The following GAK variants were observed in gnomAD, a reference collection of about 807,000 sequenced individuals.
GAK encodes the protein cyclin-G-associated kinase.
In GAK, 79 loss-of-function variants were observed where a neutral mutation model predicts 143.9. The ratio of observed to expected loss-of-function variants is 0.55; its 90% CI spans 0.46 to 0.66. The LOEUF (loss-of-function observed/expected upper bound fraction) is 0.66. Among genes scored for constraint, GAK ranks in the 30% least tolerant of loss-of-function variants. GAK has a pLI of 0.00. For missense variants in GAK, 1,693 were observed against 1,779.7 expected, an observed-to-expected ratio of 0.95 and a Z score of 0.88; for synonymous variants, 881 against 765.5, an observed-to-expected ratio of 1.15 and a Z score of -2.49.
chr4:858,429 C>T (rs545203778), intron 24 of GAK, among the ~76,000 whole-genome samples: 1 of 152,274 alleles, frequency 6.6e-6, no homozygotes, highest in South Asian at 2.1e-4. Flanking sequence ...GAGTCCACTC[C>T]TTCTGCCCCA....
intron 1 of GAK, among the ~76,000 whole-genome samples, chr4:923,206 T>C (rs1196859889): frequency 2.0e-5 from 3 of 152,106 alleles, no homozygotes; most frequent in Non-Finnish European, 4.4e-5. Flanking sequence ...GGGTCTAAAA[T>C]AGAAAAGATC....
chr4:849,634 A>C lies in GAK; in HGVS notation c.*39T>G, dbSNP rs1376218383. The C allele has an allele frequency of 3.9e-6, 6 of 1,531,708 alleles. No homozygotes were observed. The Admixed American group carries it at 1.0e-4, about 27-fold the overall frequency. 94.9% of individuals were successfully genotyped at this position (1,531,708 alleles called of 1,614,324 possible). Reference sequence around the variant, plus strand: ...GACCCAGGTCCCACGACGGCTCCCAACCTGTGGAGCTGTGTGCGCAGCCAC... The same window carrying C: ...GACCCAGGTCCCACGACGGCTCCCACCCTGTGGAGCTGTGTGCGCAGCCAC... On this transcript the variant is annotated 3_prime_UTR_variant, in exon 28 of 28. Transcript: ENST00000314167.
At chr4:895,163 C>A (rs1018645536) in intron 7 of GAK, among the ~76,000 whole-genome samples, 1 of 152,208 alleles carries the variant, frequency 6.6e-6, no homozygotes, top group Non-Finnish European at 1.5e-5. Context: ...CTTTTCAGAA[C>A]TGACCCCATA....
At chr4:852,207 C>CCAGGAGAGGG (rs1381246174) in intron 24 of GAK, 20 of 597,876 alleles carry the variant, frequency 3.3e-5, no homozygotes, top group African/African-American at 3.0e-4. Context: ...AGGGCAGACA[C>CCAGGAGAGGG]CAGGACAGGG....
chr4:903,385 G>A (rs536119195), intron 5 of GAK, among the ~76,000 whole-genome samples: 17 of 152,200 alleles, frequency 1.1e-4, no homozygotes, highest in Non-Finnish European at 2.5e-4. Flanking sequence ...AGTGCAAAGA[G>A]CTCCCCTCAA....
chr4:884,716 GGCA>G (rs1419341571), intron 11 of GAK, among the ~76,000 whole-genome samples: 3 of 152,230 alleles, frequency 2.0e-5, no homozygotes, highest in South Asian at 2.1e-4. Flanking sequence ...ACAATTCACT[GGCA>G]GCAGCAGCTG....
intron 24 of GAK, among the ~76,000 whole-genome samples, chr4:855,940 G>A (rs1397680092): frequency 6.6e-6 from 1 of 152,178 alleles, no homozygotes; most frequent in Non-Finnish European, 1.5e-5. Flanking sequence ...GGGCAACAGA[G>A]CAAGACTCTT....
At chr4:900,420 A>G (rs1220383955) in intron 5 of GAK, among the ~76,000 whole-genome samples, 1 of 152,254 alleles carries the variant, frequency 6.6e-6, no homozygotes, top group Non-Finnish European at 1.5e-5. Context: ...CAGCAAGGCC[A>G]GTGCTGTGAA....
In GAK at chr4:859,508, G is replaced by A. The variant is rs781144514; in HGVS notation, c.3283+98C>T. 9 of 1,597,598 alleles carry A rather than the reference G, an allele frequency of 5.6e-6. No individual in the cohort carries two copies. The African/African-American group carries it at 6.7e-5, about 12-fold the overall frequency. On this transcript the variant is annotated intron_variant, in intron 24 of 27. Coordinates refer to ENST00000314167, the MANE Select transcript of GAK (RefSeq NM_005255.4). The stretch of plus-strand genomic sequence containing the variant: ...GGCTTGGGGGTCTTAGTGAACAGAG[G>A]CAAAGACTTCACTTTGGGCAGCTCA...
In GAK at chr4:867,192, T is replaced by C; in HGVS notation, c.2636A>G (p.Asp879Gly). ...AVLPEPVPQE[D>G]GVDLLGLHSE... ...GTGCAGGCCCAGGAGGTCGACCCCG[T>C]CTTCCTGTGGCACAGGCTCTGGCAG... Residue 879 changes from aspartate (D) to glycine (G), a missense_variant, in exon 21 of 28, where the codon GAC (aspartate) becomes GGC (glycine). Asp to Gly is a moderately conservative substitution (Grantham distance 94). Around this residue, in one of 2 missense-constraint regions of GAK, gnomAD observed 822 missense variants for 788.7 expected, o/e 1.04. Transcript: ENST00000314167. 6.2e-7 allele frequency: 1 copy of C among 1,610,478 alleles called. No homozygotes were observed. Among genetic ancestry groups the C allele is most frequent in the Non-Finnish European group, 8.5e-7 (1 of 1,178,248 alleles).
In GAK at chr4:867,068, G is replaced by A. The variant is rs760147192; in HGVS notation, c.2760C>T (p.Ala920=). ...GATCCTCCGGGGGCCCCTGGGAGGC[G>A]GCCTCAGGGGGCCCAAGGAGGCAGC... ...LLSCLLGPPE[A]ASQGPPEDLL... The change falls in exon 21 of 28, where the codon GCC becomes GCT. Residue 920 remains alanine (A), a synonymous_variant. Transcript: ENST00000314167. 3.1e-5 allele frequency: 47 copies of A among 1,531,640 alleles called. No individual in the cohort carries two copies. The highest frequency in any genetic ancestry group is 4.6e-5 in the East Asian group (2 of 43,394). The allele number at this position is 1,531,640 out of a possible 1,614,324, so 94.9% of individuals were successfully genotyped here.
At chr4:891,517 G>T (rs1340422040) in intron 9 of GAK, among the ~76,000 whole-genome samples, 1 of 152,036 alleles carries the variant, frequency 6.6e-6, no homozygotes, top group Non-Finnish European at 1.5e-5. Context: ...TGTGTTTTCT[G>T]GGGGAGTCGG....
rs1284129575 is a variant in GAK, at chr4:849,311, C to T, written c.*362G>A. The T allele has an allele frequency of 6.5e-6, 2 of 307,018 alleles. No homozygotes were observed. The highest frequency in any genetic ancestry group is 2.1e-5 in the African/African-American group (1 of 47,546). 19.0% of individuals were successfully genotyped at this position (307,018 alleles called of 1,614,324 possible). ...AATAGTTTAATTCTGTACAGACAAC[C>T]ACGGGACTGATTACAAAGTGCGGTG... On this transcript the variant is annotated 3_prime_UTR_variant, in exon 28 of 28. Coordinates refer to ENST00000314167, the MANE Select transcript of GAK (RefSeq NM_005255.4).
At chr4:912,241 C>T in intron 3 of GAK, 1 of 441,880 alleles carries the variant, frequency 2.3e-6, no homozygotes, top group South Asian at 1.6e-5. Context: ...TCAGGAGGGA[C>T]ATGTGGCAGT....
intron 24 of GAK, among the ~76,000 whole-genome samples, chr4:855,336 TAA>T (rs773175977): frequency 7.0e-6 from 1 of 142,488 alleles, no homozygotes. Context: ...TTATTTTTTC[TAA>T]AAAAAAAAAA....
intron 14 of GAK, 33 bp downstream of exon 14, chr4:882,664 A>C (rs371458737): frequency 1.2e-5 from 20 of 1,604,556 alleles, no homozygotes; most frequent in Non-Finnish European, 1.7e-5. Context: ...ACTTTGACAG[A>C]AGACGGCGCC....
Position 932,220 on chromosome 4 carries a change from G to T in GAK, c.-33C>A. ...GCTGCGCCGCACCCCGCGGCAGCCG[G>T]AGTGGTCGGGCTCGGGCTCCCGCTC... On this transcript the variant is annotated 5_prime_UTR_variant, in exon 1 of 28. Transcript: ENST00000314167. The surrounding 1 kb of genome is among the most constrained non-coding windows in gnomAD (Gnocchi z 4.0). The T allele has an allele frequency of 6.6e-7, 1 of 1,508,712 alleles. No individual in the cohort carries two copies. Among genetic ancestry groups the T allele is most frequent in the Non-Finnish European group, 8.8e-7 (1 of 1,132,182 alleles). The allele number at this position is 1,508,712 out of a possible 1,614,324, so 93.5% of individuals were successfully genotyped here. A position where few individuals can be genotyped will look rare whatever the true frequency, so the allele number is the denominator to read the frequency against.
intron 4 of GAK, among the ~76,000 whole-genome samples, chr4:908,804 C>A (rs1041254232): frequency 6.6e-6 from 1 of 152,152 alleles, no homozygotes; most frequent in Non-Finnish European, 1.5e-5. Flanking sequence ...ACGCCTGATA[C>A]GGTCAATTTT....
chr4:921,821 G>A (rs559325184), intron 1 of GAK, among the ~76,000 whole-genome samples: 1 of 151,604 alleles, frequency 6.6e-6, no homozygotes, highest in African/African-American at 2.4e-5. Flanking sequence ...CTACAATAAA[G>A]AACACTCAAA....
Sources: allele counts gnomAD v4.1 joint callset (sites outside exome capture counted in the v4.1 genomes callset), GRCh38; gene constraint gnomAD v4.1.1; regional missense constraint gnomAD v4.1.1; non-coding constraint Gnocchi (gnomAD v3.1); transcripts MANE v1.5; gene names NCBI Gene and HGNC (gene_info 2026-07-23, HGNC 2026-07-21).